Variants in NAALADL2 observed in about 807,000 individuals in gnomAD.
The protein encoded by NAALADL2 is inactive N-acetylated-alpha-linked acidic dipeptidase-like protein 2.
NAALADL2 carries 76 observed loss-of-function variants against 87.2 expected under a neutral mutation model. That is an observed-to-expected ratio of 0.87 (90% CI 0.72 to 1.05). The LOEUF (loss-of-function observed/expected upper bound fraction) is 1.05, where lower values mean the gene tolerates loss of function less well. Ranked by LOEUF, NAALADL2 falls within the 50% of genes least tolerant of loss-of-function variation. The pLI is 0.00. For synonymous variants in NAALADL2, 354 were observed against 331.0 expected (o/e 1.07, Z -0.75); for missense variants, 1,089 against 945.8 (o/e 1.15, Z -1.99).
intron 1 of NAALADL2, among the ~76,000 whole-genome samples, chr3:174,980,075 C>G (rs1744914759): frequency 6.6e-6 from 1 of 152,172 alleles, no homozygotes; most frequent in African/African-American, 2.4e-5. Flanking sequence ...GCCTCTCTCA[C>G]CTTTTCACCT....
intron 2 of NAALADL2, among the ~76,000 whole-genome samples, chr3:174,642,749 C>CATATATATATATATATATATAT (rs71624288): frequency 7.7e-6 from 1 of 130,292 alleles, no homozygotes; most frequent in African/African-American, 2.9e-5. Context: ...TGAAAAAAAA[C>CATATATATATATATATATATAT]ATATATATAT....
intron 1 of NAALADL2, among the ~76,000 whole-genome samples, chr3:174,898,969 G>A (rs1192477281): frequency 6.6e-6 from 1 of 152,052 alleles, no homozygotes; most frequent in African/African-American, 2.4e-5. Context: ...AGCCGAACAT[G>A]TTTATTTTGT....
intron 13 of NAALADL2, among the ~76,000 whole-genome samples, chr3:175,786,481 G>A (rs1418671925): frequency 6.7e-6 from 1 of 149,402 alleles, no homozygotes; most frequent in East Asian, 2.0e-4. Context: ...CTTTCTTCCA[G>A]TTGATCGCAT....
At chr3:175,211,851 C>T (rs145283678) in intron 2 of NAALADL2, among the ~76,000 whole-genome samples, 23 of 152,026 alleles carry the variant, frequency 1.5e-4, no homozygotes, top group East Asian at 1.4e-3. Flanking sequence ...GTATTCATTA[C>T]GAAAAATATT....
chr3:174,861,922 G>A (rs934474059), intron 1 of NAALADL2, among the ~76,000 whole-genome samples: 1 of 151,498 alleles, frequency 6.6e-6, no homozygotes, highest in African/African-American at 2.4e-5. Flanking sequence ...CTGAATAAAA[G>A]TGAAGTTATT....
intron 5 of NAALADL2, among the ~76,000 whole-genome samples, chr3:175,344,223 A>T (rs1482380636): frequency 6.6e-6 from 1 of 152,126 alleles, no homozygotes; most frequent in Non-Finnish European, 1.5e-5. Flanking sequence ...CATAAAAATC[A>T]GCATTTCTTT....
In NAALADL2 at chr3:174,730,336, A is replaced by C. The variant is rs143310431; in HGVS notation, c.-114-7305A>C. 8.9e-4 allele frequency among the ~76,000 whole-genome samples: 136 copies of C among 152,186 alleles called. 2 individuals are homozygous for C. In the East Asian group the frequency reaches 0.02, roughly 22 times the overall value. ...TTTGTGGTTTAAATTTGTGAATTTT[A>C]AGTTTTTGTATCAGAATTCGAACAG... On this transcript the variant is annotated intron_variant, in intron 2 of 3. Transcript: ENST00000434257.
intron 1 of NAALADL2, among the ~76,000 whole-genome samples, chr3:174,474,886 G>A (rs1232292446): frequency 3.3e-5 from 5 of 152,066 alleles, no homozygotes; most frequent in African/African-American, 1.2e-4. Context: ...TCATATTGGT[G>A]CAACACAGAG....
chr3:175,721,465 TCA>T (rs1742230122), intron 11 of NAALADL2, among the ~76,000 whole-genome samples: 1 of 152,116 alleles, frequency 6.6e-6, no homozygotes, highest in African/African-American at 2.4e-5. Context: ...TAATTTCATG[TCA>T]CACACTATCA....
At chr3:175,706,082 A>G (rs959795961) in intron 11 of NAALADL2, among the ~76,000 whole-genome samples, 8 of 152,158 alleles carry the variant, frequency 5.3e-5, no homozygotes, top group African/African-American at 1.9e-4. Flanking sequence ...ATGACAAAAT[A>G]GACCATGAAG....
chr3:175,222,076 T>A (rs1414394103), intron 2 of NAALADL2, among the ~76,000 whole-genome samples: 1 of 152,050 alleles, frequency 6.6e-6, no homozygotes, highest in African/African-American at 2.4e-5. Flanking sequence ...AAAAAAAATA[T>A]AGCTGAATAT....
intron 3 of NAALADL2, among the ~76,000 whole-genome samples, chr3:174,803,409 C>G (rs1044786048): frequency 2.0e-5 from 3 of 152,054 alleles, no homozygotes. Context: ...GAAAGATTTT[C>G]TCCCATTCTG....
chr3:174,521,571 C>CAAAAAAAAAAAA (rs58465181), intron 1 of NAALADL2, among the ~76,000 whole-genome samples: 1 of 56,190 alleles, frequency 1.8e-5, no homozygotes, highest in African/African-American at 7.2e-5. Context: ...GACCCTGTCT[C>CAAAAAAAAAAAA]AAAAAAAAAA....
chr3:174,866,868 TTTTAGCATCATATTTTATA>T (rs1727212254), intron 1 of NAALADL2, among the ~76,000 whole-genome samples: 1 of 151,828 alleles, frequency 6.6e-6, no homozygotes, highest in South Asian at 2.1e-4. Flanking sequence ...TTCTGATCAG[TTTTAGCATCATATTTTATA>T]TTTTTTCCAG....
At chr3:174,629,525 C>A (rs886483678) in intron 2 of NAALADL2, among the ~76,000 whole-genome samples, 1 of 152,142 alleles carries the variant, frequency 6.6e-6, no homozygotes, top group Admixed American at 6.6e-5. Flanking sequence ...AAAGTGAATT[C>A]CATAATCATA....
At chr3:174,469,073 C>A (rs1017123816) in intron 1 of NAALADL2, among the ~76,000 whole-genome samples, 1 of 151,808 alleles carries the variant, frequency 6.6e-6, no homozygotes, top group African/African-American at 2.4e-5. Context: ...TAACTATATT[C>A]TGTGACCATT....
intron 6 of NAALADL2, among the ~76,000 whole-genome samples, chr3:175,451,012 A>T (rs1721484078): frequency 6.6e-6 from 1 of 152,174 alleles, no homozygotes. Flanking sequence ...GAAAGATAGA[A>T]ATAGATATAG....
chr3:174,511,328 AT>A (rs1474627125), intron 1 of NAALADL2, among the ~76,000 whole-genome samples: 1 of 151,886 alleles, frequency 6.6e-6, no homozygotes, highest in Non-Finnish European at 1.5e-5. Flanking sequence ...TATTTCATGT[AT>A]TTTAAAGATA....
In NAALADL2 at chr3:175,467,316, G is replaced by C. The variant is rs73884423; in HGVS notation, c.1533+132G>C. 6,152 of 671,390 alleles carry C rather than the reference G, an allele frequency of 9.2e-3. 288 individuals carry two copies. The African/African-American group carries it at 0.1, about 11-fold the overall frequency. The allele number at this position is 671,390 out of a possible 1,614,324, so 41.6% of individuals were successfully genotyped here. The stretch of plus-strand genomic sequence containing the variant: ...AGTGTCATATTGCCTAATTTGCTGA[G>C]ATGGCTTATAATAATAATATGGAAT... On this transcript the variant is annotated intron_variant, in intron 8 of 13. Coordinates refer to ENST00000454872, the MANE Select transcript of NAALADL2 (RefSeq NM_207015.3).
Sources: gnomAD v4.1 joint callset for allele counts (sites outside exome capture counted in the v4.1 genomes callset) on GRCh38, gnomAD v4.1.1 for gene constraint, MANE v1.5 for transcripts, NCBI Gene and HGNC (gene_info 2026-07-23, HGNC 2026-07-21) for gene names.